The following CYP3A7 variants were observed in gnomAD, a reference collection of about 807,000 sequenced individuals.
The protein encoded by CYP3A7 is cytochrome P450 3A7.
In CYP3A7, 45 loss-of-function variants were observed where a neutral mutation model predicts 55.2. The observed-to-expected ratio is 0.82, with a 90% CI of 0.64 to 1.05. The LOEUF (loss-of-function observed/expected upper bound fraction) is 1.05. Among genes scored for constraint, CYP3A7 ranks in the 50% least tolerant of loss-of-function variants. CYP3A7 has a pLI of 0.00. For missense variants in CYP3A7, 548 were observed against 605.3 expected (o/e 0.91, Z 0.99); for synonymous variants, 180 against 207.4 (o/e 0.87, Z 1.13).
chr7:99,707,439 T>A (rs1354813759), intron 12 of CYP3A7, among the ~76,000 whole-genome samples: 1 of 152,224 alleles, frequency 6.6e-6, no homozygotes, highest in Non-Finnish European at 1.5e-5. Context: ...AGAAAACTTC[T>A]ACAAGTTCTG....
chr7:99,711,358 T>C (rs1225019312), intron 9 of CYP3A7, among the ~76,000 whole-genome samples: 1 of 152,194 alleles, frequency 6.6e-6, no homozygotes, highest in African/African-American at 2.4e-5. Flanking sequence ...GTATGGAAAA[T>C]TAAAGGACCT....
At chr7:99,731,349 A>G (rs1344881058) in intron 1 of CYP3A7, among the ~76,000 whole-genome samples, 197 bp from the exon 2 acceptor site, 2 of 152,178 alleles carry the variant, frequency 1.3e-5, no homozygotes, top group Non-Finnish European at 2.9e-5. Context: ...AGACACCAAA[A>G]AGTTACAATG....
chr7:99,715,687 G>C, intron 7 of CYP3A7, 71 bp downstream of exon 7: 1 of 1,608,166 alleles, frequency 6.2e-7, no homozygotes, highest in Non-Finnish European at 8.5e-7. Context: ...GAATTACATG[G>C]TGATTTACAT....
chr7:99,725,882 C>T (rs1262976335), intron 2 of CYP3A7, among the ~76,000 whole-genome samples: 1 of 152,186 alleles, frequency 6.6e-6, no homozygotes. Flanking sequence ...TTTTCAAGGG[C>T]CTGCTTCCCT....
intron 2 of CYP3A7, among the ~76,000 whole-genome samples, chr7:99,730,314 T>C (rs1814565762): frequency 1.3e-5 from 2 of 152,204 alleles, no homozygotes; most frequent in Non-Finnish European, 2.9e-5. Flanking sequence ...AACCCATGAA[T>C]TCATATTGTG....
chr7:99,728,174 A>G (rs1243021526), intron 2 of CYP3A7, among the ~76,000 whole-genome samples: 1 of 152,194 alleles, frequency 6.6e-6, no homozygotes, highest in Admixed American at 6.5e-5. Context: ...CAAGAAAAAT[A>G]TCTCCTTCCA....
At chr7:99,722,390 T>C in intron 2 of CYP3A7, 42 bp from the exon 3 acceptor site, 3 of 1,607,648 alleles carry the variant, frequency 1.9e-6, no homozygotes, top group Non-Finnish European at 2.6e-6. Context: ...TTATTTTAAG[T>C]GTACTTAACC....
chr7:99,717,371 T>G (rs1813999799), intron 5 of CYP3A7, 106 bp from the exon 6 acceptor site: 10 of 1,601,272 alleles, frequency 6.2e-6, no homozygotes, highest in Non-Finnish European at 7.7e-6. Flanking sequence ...GTATAATGAA[T>G]TTTATGATGT....
At chr7:99,720,488 C>A (rs980351910) in intron 3 of CYP3A7, 76 bp from the exon 4 acceptor site, 22 of 1,523,046 alleles carry the variant, frequency 1.4e-5, no homozygotes, top group Non-Finnish European at 1.8e-5. Context: ...GGAAGCCAGA[C>A]TTTGATCCGG....
intron 11 of CYP3A7, among the ~76,000 whole-genome samples, chr7:99,708,466 C>T (rs1267096188): frequency 6.6e-6 from 1 of 151,666 alleles, no homozygotes; most frequent in Non-Finnish European, 1.5e-5. Flanking sequence ...TTGTCTTACC[C>T]CTCCTTCTCT....
chr7:99,722,486 A>G, intron 2 of CYP3A7, 138 bp from the exon 3 acceptor site: 4 of 1,046,030 alleles, frequency 3.8e-6, no homozygotes, highest in Non-Finnish European at 5.5e-6. Context: ...GAGATGTCAT[A>G]AGAGAAAGGA....
intron 2 of CYP3A7, among the ~76,000 whole-genome samples, chr7:99,723,829 G>A (rs539620632): frequency 4.6e-5 from 7 of 152,252 alleles, no homozygotes; most frequent in South Asian, 2.1e-4. Context: ...GAGGAGATAC[G>A]TTTTATCCAT....
At chr7:99,730,082 C>T (rs1814558815) in intron 2 of CYP3A7, among the ~76,000 whole-genome samples, 1 of 152,160 alleles carries the variant, frequency 6.6e-6, no homozygotes, top group African/African-American at 2.4e-5. Flanking sequence ...GAGCTGACTC[C>T]TGCTGCTGCT....
chr7:99,713,359 G>C, intron 9 of CYP3A7, 110 bp downstream of exon 9: 1 of 1,514,988 alleles, frequency 6.6e-7, no homozygotes, highest in Non-Finnish European at 9.1e-7. Context: ...GTGTCATTCT[G>C]CTATGTGGCA....
chr7:99,726,405 T>G (rs1302209768), intron 2 of CYP3A7, among the ~76,000 whole-genome samples: 1 of 152,266 alleles, frequency 6.6e-6, no homozygotes, highest in Non-Finnish European at 1.5e-5. Flanking sequence ...TTGTTCAGGA[T>G]CTGCGCCTTA....
At chr7:99,730,500 A>T (rs1423209178) in intron 2 of CYP3A7, 1 of 155,636 alleles carries the variant, frequency 6.4e-6, no homozygotes, top group African/African-American at 2.4e-5. Context: ...GGTTAAAGCC[A>T]TGGAAATTCC....
intron 4 of CYP3A7, 143 bp downstream of exon 4, chr7:99,720,170 T>C: frequency 4.0e-6 from 4 of 989,596 alleles, no homozygotes; most frequent in Non-Finnish European, 6.1e-6. Context: ...TTGCAAGATG[T>C]TACCATGGGG....
At position 99,709,132 on chromosome 7, in the gene CYP3A7, T is replaced by C. The variant is rs1190434609; in HGVS notation, c.1156A>G (p.Met386Val). 1 of 1,613,912 alleles carries C rather than the reference T, an allele frequency of 6.2e-7. No homozygotes were observed. The highest frequency in any genetic ancestry group is 1.7e-5 in the Admixed American group (1 of 59,984). The change falls in exon 11 of 13, where the codon ATG becomes GTG. Residue 386 changes from methionine (M) to valine (V), a missense_variant. Physicochemically the swap from Met to Val is conservative, Grantham distance 21. Transcript: ENST00000336374. ...VCKKDVEING[M>V]FIPKGVVVMI... ...ACCACCACCCCTTTGGGAATAAACA[T>C]CCCATTGATTTCAACATCTTTTTTG...
intron 1 of CYP3A7, among the ~76,000 whole-genome samples, chr7:99,732,766 C>T (rs946588937): frequency 2.6e-5 from 4 of 152,114 alleles, no homozygotes; most frequent in East Asian, 3.8e-4. Flanking sequence ...TTCAAAAGTA[C>T]GGTGTGTATA....
Sources: allele counts gnomAD v4.1 joint callset (sites outside exome capture counted in the v4.1 genomes callset), GRCh38; gene constraint gnomAD v4.1.1; transcripts MANE v1.5; gene names NCBI Gene and HGNC (gene_info 2026-07-23, HGNC 2026-07-21).